The following SERPINE2 variants were observed in gnomAD, a reference collection of about 807,000 sequenced individuals.
SERPINE2 encodes glia-derived nexin.
SERPINE2 carries 14 observed loss-of-function variants against 36.3 expected under a neutral mutation model. The observed-to-expected ratio is 0.39, with a 90% confidence interval of 0.25 to 0.60. The LOEUF is 0.60. SERPINE2 is among the 20% of genes least tolerant of loss of function. The pLI is 0.57. For missense variants in SERPINE2, 418 were observed against 499.6 expected, an observed-to-expected ratio of 0.84 and a Z score of 1.56; for synonymous variants, 192 against 191.8, an observed-to-expected ratio of 1.00 and a Z score of -0.01.
intron 1 of SERPINE2, among the ~76,000 whole-genome samples, chr2:224,018,588 C>T (rs2037755): frequency 0.44 from 64,427 of 147,122 alleles, 16,216 homozygotes; most frequent in South Asian, 0.58. Context: ...CACAGTACTT[C>T]TCAAAAAAAA....
intron 2 of SERPINE2, among the ~76,000 whole-genome samples, chr2:224,000,072 C>T (rs1399284177): frequency 3.3e-5 from 5 of 152,166 alleles, no homozygotes; most frequent in African/African-American, 9.7e-5. Context: ...GAGTCGGAGG[C>T]GGGTGCAGAG....
chr2:223,993,530 A>G lies in SERPINE2; in HGVS notation c.488-1530T>C, dbSNP rs1032719472. ...TTCACTGCATTATTAGCTCAAATAT[A>G]TGTGTGTGTGTGTGTGTGTGTGTGT... On this transcript the variant is annotated intron_variant, in intron 3 of 8. Transcript: ENST00000409304. 1.1e-3 allele frequency among the ~76,000 whole-genome samples: 171 copies of G among 149,896 alleles called. 1 individual carries two copies. The highest frequency in any genetic ancestry group is 9.2e-3 in the South Asian group (43 of 4,688).
intron 1 of SERPINE2, among the ~76,000 whole-genome samples, chr2:224,028,920 G>A (rs1052766597): frequency 6.6e-6 from 1 of 152,158 alleles, no homozygotes; most frequent in African/African-American, 2.4e-5. Flanking sequence ...TTTTGCCACT[G>A]TACATGTAAA....
At chr2:223,984,618 C>T in intron 5 of SERPINE2, 134 bp downstream of exon 5, 1 of 788,670 alleles carries the variant, frequency 1.3e-6, no homozygotes, top group Non-Finnish European at 2.0e-6. Context: ...CTCGTAATCC[C>T]ACCATGAAAT....
At chr2:224,023,617 G>C (rs1022986264) in intron 1 of SERPINE2, among the ~76,000 whole-genome samples, 1 of 152,094 alleles carries the variant, frequency 6.6e-6, no homozygotes, top group Non-Finnish European at 1.5e-5. Flanking sequence ...CTTTTAAAAA[G>C]GTTCAGAAGA....
chr2:224,029,708 GT>G, intron 1 of SERPINE2, among the ~76,000 whole-genome samples: 1 of 152,066 alleles, frequency 6.6e-6, no homozygotes, highest in African/African-American at 2.4e-5. Flanking sequence ...TTTTTGTTTT[GT>G]TTTATTTTGA....
chr2:224,035,127 T>C (rs840088), intron 1 of SERPINE2, among the ~76,000 whole-genome samples: 94,580 of 151,884 alleles, frequency 0.62, 29,845 homozygotes, highest in South Asian at 0.71. Context: ...GGAAGAGAGT[T>C]AGAAGGGATG....
chr2:224,009,517 T>C (rs1394235668), intron 1 of SERPINE2, among the ~76,000 whole-genome samples: 1 of 152,052 alleles, frequency 6.6e-6, no homozygotes, highest in African/African-American at 2.4e-5. Flanking sequence ...CAACATGGCT[T>C]AACCCTGTCT....
chr2:223,982,814 C>T (rs1294608531), intron 5 of SERPINE2, 33 bp from the exon 6 acceptor site: 1 of 1,511,388 alleles, frequency 6.6e-7, no homozygotes, highest in Non-Finnish European at 9.1e-7. Flanking sequence ...GAAAAAAAAT[C>T]ACGAGGCTAT....
intron 4 of SERPINE2, among the ~76,000 whole-genome samples, chr2:223,988,533 A>C (rs568745760): frequency 6.6e-6 from 1 of 152,318 alleles, no homozygotes; most frequent in Non-Finnish European, 1.5e-5. Context: ...ACGTAATGTG[A>C]ACAGACAGGT....
At chr2:224,001,995 CAGATA>C (rs1691195414) in intron 1 of SERPINE2, 73 bp from the exon 2 acceptor site, 11 of 1,304,136 alleles carry the variant, frequency 8.4e-6, no homozygotes, top group South Asian at 1.6e-5. Context: ...TTTTTTCCCC[CAGATA>C]GAGACTCGTT....
intron 7 of SERPINE2, 75 bp downstream of exon 7, chr2:223,980,236 G>A (rs1453169362): frequency 1.6e-6 from 2 of 1,233,530 alleles, no homozygotes; most frequent in Non-Finnish European, 1.2e-6. Flanking sequence ...TTACATATTT[G>A]CTCAACCAAT....
intron 4 of SERPINE2, among the ~76,000 whole-genome samples, chr2:223,987,492 A>T (rs777414460): frequency 2.0e-5 from 3 of 152,210 alleles, no homozygotes; most frequent in Non-Finnish European, 4.4e-5. Flanking sequence ...GATGCTCTCT[A>T]TTCTTTAACC....
chr2:224,012,137 T>C (rs1691647880), intron 1 of SERPINE2, among the ~76,000 whole-genome samples: 1 of 152,202 alleles, frequency 6.6e-6, no homozygotes, highest in African/African-American at 2.4e-5. Context: ...GTGTGGGACT[T>C]CACCTGGTAT....
chr2:224,004,483 C>T (rs982545626), intron 1 of SERPINE2, among the ~76,000 whole-genome samples: 4 of 152,186 alleles, frequency 2.6e-5, no homozygotes, highest in Admixed American at 6.5e-5. Context: ...TTGGGCTCAA[C>T]GGGCCAGCGT....
intron 1 of SERPINE2, among the ~76,000 whole-genome samples, chr2:224,009,750 G>A (rs1026186005): frequency 7.2e-5 from 11 of 151,946 alleles, no homozygotes; most frequent in Non-Finnish European, 1.6e-4. Flanking sequence ...CTGCCAAACT[G>A]AGACTTCTGA....
At chr2:224,015,707 T>C (rs758063121) in intron 1 of SERPINE2, among the ~76,000 whole-genome samples, 2 of 152,158 alleles carry the variant, frequency 1.3e-5, no homozygotes, top group Non-Finnish European at 2.9e-5. Flanking sequence ...GCACTGCGCA[T>C]GACAACAGGC....
intron 1 of SERPINE2, among the ~76,000 whole-genome samples, chr2:224,027,875 T>C (rs1692236624): frequency 6.6e-6 from 1 of 152,172 alleles, no homozygotes; most frequent in Non-Finnish European, 1.5e-5. Flanking sequence ...GTCACCCAAA[T>C]ACAACAGGCT....
Position 223,980,354 on chromosome 2 carries a change from T to C in SERPINE2, c.1029A>G (p.Lys343=), listed in dbSNP as rs762873359. 2 of 1,614,158 alleles carry C rather than the reference T, an allele frequency of 1.2e-6. No homozygotes were observed. Among genetic ancestry groups the C allele is most frequent in the Non-Finnish European group, 1.7e-6 (2 of 1,179,988 alleles). Residue 343 remains lysine, a synonymous_variant, in exon 7 of 9, where the codon AAA becomes AAG. Transcript: ENST00000409304. ...TGGTTCCATCTTCACTGACTTCAAT[T>C]TTTGCTTTTTGCAAGATATGAGAAA... is the stretch of plus-strand genomic sequence containing the variant. ...LHVSHILQKA[K]IEVSEDGTKA...
Sources: allele counts gnomAD v4.1 joint callset (sites outside exome capture counted in the v4.1 genomes callset), GRCh38; gene constraint gnomAD v4.1.1; transcripts MANE v1.5; gene names NCBI Gene and HGNC (gene_info 2026-07-23, HGNC 2026-07-21).